The following BACH2 variants were observed in gnomAD, a reference collection of about 807,000 sequenced individuals.
The protein encoded by BACH2 is transcription regulator protein BACH2.
BACH2 carries 5 observed loss-of-function variants against 61.8 expected under a neutral mutation model. The ratio of observed to expected loss-of-function variants is 0.08; its 90% CI spans 0.04 to 0.17. The LOEUF is 0.17. BACH2 is among the 10% of genes least tolerant of loss of function. BACH2 has a pLI of 1.00. For missense variants in BACH2, 824 were observed against 1,091.1 expected (o/e 0.76, Z 3.45); for synonymous variants, 446 against 440.1 (o/e 1.01, Z -0.17).
intron 6 of BACH2, among the ~76,000 whole-genome samples, chr6:89,987,387 C>G (rs1369152217): frequency 6.6e-6 from 1 of 152,106 alleles, no homozygotes; most frequent in African/African-American, 2.4e-5. Flanking sequence ...GGCTGTCGAA[C>G]TTAGTCCTGG....
Position 89,960,630 on chromosome 6 carries a change from T to G in BACH2, c.244-8768A>C, listed in dbSNP as rs143709205. On this transcript the variant is annotated intron_variant, in intron 6 of 8. Coordinates refer to ENST00000257749, the MANE Select transcript of BACH2 (RefSeq NM_021813.4). ...AGGATGAAGATAACTGCTGTGTCCCTTTCCTGCTCAATGAAACTCTGCAAA... is the reference window on the plus strand; with the variant it reads ...AGGATGAAGATAACTGCTGTGTCCCGTTCCTGCTCAATGAAACTCTGCAAA... Among the ~76,000 whole-genome samples the G allele has an allele frequency of 2.6e-5, 4 of 152,358 alleles. No individual in the cohort carries two copies. The East Asian group carries it at 7.7e-4, about 29-fold the overall frequency.
intron 6 of BACH2, among the ~76,000 whole-genome samples, chr6:89,994,505 C>G (rs182807017): frequency 9.7e-4 from 147 of 152,180 alleles, no homozygotes; most frequent in African/African-American, 3.5e-3. Flanking sequence ...TTCATTTAAC[C>G]AATGAGACTG....
At chr6:90,107,804 G>A (rs1782991445) in intron 4 of BACH2, among the ~76,000 whole-genome samples, 1 of 151,730 alleles carries the variant, frequency 6.6e-6, no homozygotes, top group Non-Finnish European at 1.5e-5. Flanking sequence ...CGGTGGCAAA[G>A]GAGCACATGA....
Position 89,931,803 on chromosome 6 carries a change from T to G in BACH2, c.*605A>C, listed in dbSNP as rs10455512. On this transcript the variant is annotated 3_prime_UTR_variant, in exon 9 of 9. Coordinates refer to ENST00000257749, the MANE Select transcript of BACH2 (RefSeq NM_021813.4). ...AACTGTGAAGCAAGAAAAATGACCA[T>G]GTTAACAGTTACCAAACTAGTTCTA... 6.6e-6 allele frequency: 1 copy of G among 152,300 alleles called. No individual in the cohort carries two copies. Among genetic ancestry groups the G allele is most frequent in the Non-Finnish European group, 1.5e-5 (1 of 67,960 alleles). The allele number at this position is 152,300 out of a possible 1,614,324, so 9.4% of individuals were successfully genotyped here.
intron 2 of BACH2, among the ~76,000 whole-genome samples, chr6:90,265,614 T>A (rs1771298550): frequency 6.6e-6 from 1 of 152,182 alleles, no homozygotes; most frequent in Non-Finnish European, 1.5e-5. Flanking sequence ...GGTGAAATCT[T>A]TACCACTTAA....
chr6:90,021,031 A>AGG (rs1778343415), intron 5 of BACH2, among the ~76,000 whole-genome samples: 1 of 152,190 alleles, frequency 6.6e-6, no homozygotes, highest in South Asian at 2.1e-4. Context: ...TGCAGGCCAA[A>AGG]AAACCCAGCT....
chr6:90,051,397 T>C (rs1006574862), intron 5 of BACH2, among the ~76,000 whole-genome samples: 6 of 152,194 alleles, frequency 3.9e-5, no homozygotes, highest in African/African-American at 1.4e-4. Flanking sequence ...GTAGACTAGA[T>C]ACAGTCTACC....
At chr6:90,284,865 G>A (rs1450942302) in intron 1 of BACH2, among the ~76,000 whole-genome samples, 1 of 152,124 alleles carries the variant, frequency 6.6e-6, no homozygotes, top group Non-Finnish European at 1.5e-5. Context: ...TGAGTCATTC[G>A]TATCGGCGGA....
chr6:89,958,649 G>A (rs368319289), intron 6 of BACH2, among the ~76,000 whole-genome samples: 4 of 152,228 alleles, frequency 2.6e-5, no homozygotes, highest in East Asian at 1.9e-4. Context: ...ACCTGAGTAC[G>A]TAACAGAGGT....
intron 6 of BACH2, among the ~76,000 whole-genome samples, chr6:89,955,864 T>A (rs1327267505): frequency 2.0e-5 from 3 of 151,896 alleles, no homozygotes; most frequent in African/African-American, 7.3e-5. Flanking sequence ...GCTCTAATAA[T>A]GGGAAAAAAT....
intron 6 of BACH2, among the ~76,000 whole-genome samples, chr6:90,007,910 T>C (rs1375166937): frequency 6.6e-6 from 1 of 152,116 alleles, no homozygotes; most frequent in Non-Finnish European, 1.5e-5. Flanking sequence ...AACCAAGAGG[T>C]AGTGTATATA....
At chr6:90,007,221 C>T (rs111311612) in intron 6 of BACH2, among the ~76,000 whole-genome samples, 11 of 152,094 alleles carry the variant, frequency 7.2e-5, no homozygotes, top group Non-Finnish European at 1.5e-4. Context: ...ATTATAGGCA[C>T]ACACCACCAT....
intron 1 of BACH2, among the ~76,000 whole-genome samples, chr6:90,274,778 C>T (rs558754951): frequency 6.6e-6 from 1 of 152,224 alleles, no homozygotes; most frequent in African/African-American, 2.4e-5. Context: ...AGACCTGATG[C>T]TAAGGGGAGA....
At chr6:90,146,983 C>T (rs1784641026) in intron 4 of BACH2, among the ~76,000 whole-genome samples, 1 of 152,082 alleles carries the variant, frequency 6.6e-6, no homozygotes. Flanking sequence ...ATAGCTCGAT[C>T]CTACTCTTTC....
intron 6 of BACH2, among the ~76,000 whole-genome samples, chr6:89,967,795 T>G (rs1010516555): frequency 1.3e-5 from 2 of 152,158 alleles, no homozygotes; most frequent in Non-Finnish European, 2.9e-5. Flanking sequence ...GCTCATGAAC[T>G]CTCCTCTCTG....
intron 4 of BACH2, among the ~76,000 whole-genome samples, chr6:90,143,279 T>C (rs1784520831): frequency 1.3e-5 from 2 of 152,104 alleles, no homozygotes; most frequent in East Asian, 1.9e-4. Flanking sequence ...GAAAAATTAA[T>C]AGTAACATCG....
At chr6:90,224,673 T>A (rs930838361) in intron 3 of BACH2, among the ~76,000 whole-genome samples, 4 of 152,138 alleles carry the variant, frequency 2.6e-5, no homozygotes, top group African/African-American at 9.7e-5. Flanking sequence ...TATATTAAAA[T>A]GAAATGCAAA....
At chr6:90,294,347 G>T (rs543092788) in intron 1 of BACH2, among the ~76,000 whole-genome samples, 4 of 152,120 alleles carry the variant, frequency 2.6e-5, no homozygotes, top group Admixed American at 2.6e-4. Flanking sequence ...TTTATTCCAT[G>T]GTTGTGTGTT....
intron 1 of BACH2, among the ~76,000 whole-genome samples, chr6:90,285,375 T>C (rs891131050): frequency 6.6e-6 from 1 of 152,202 alleles, no homozygotes; most frequent in Non-Finnish European, 1.5e-5. Flanking sequence ...TGCTTTGCAC[T>C]GAGGGAGAAG....
Sources: gnomAD v4.1 joint callset for allele counts (sites outside exome capture counted in the v4.1 genomes callset) on GRCh38, gnomAD v4.1.1 for gene constraint, MANE v1.5 for transcripts, NCBI Gene and HGNC (gene_info 2026-07-23, HGNC 2026-07-21) for gene names.